The following KIF6 variants were observed in gnomAD, a reference collection of about 807,000 sequenced individuals.
KIF6 encodes kinesin-like protein KIF6.
Under a neutral mutation model 112.7 loss-of-function variants are expected in KIF6, and 106 were observed. That is an observed-to-expected ratio of 0.94 (90% CI 0.80 to 1.11). The LOEUF (loss-of-function observed/expected upper bound fraction) is 1.11, where lower values mean the gene tolerates loss of function less well. KIF6 is among the 50% of genes least tolerant of loss of function. The pLI is 0.00. For synonymous variants in KIF6, 339 were observed against 339.9 expected, an observed-to-expected ratio of 1.00 and a Z score of 0.03; for missense variants, 929 against 964.0, an observed-to-expected ratio of 0.96 and a Z score of 0.48.
chr6:39,384,930 GT>G lies in KIF6; in HGVS notation c.1861+691del, dbSNP rs576841905. Among the ~76,000 whole-genome samples the G allele has an allele frequency of 7.9e-5, 12 of 152,324 alleles. No individual in the cohort carries two copies. The East Asian group carries it at 2.1e-3, about 27-fold the overall frequency. On this transcript the variant is annotated intron_variant, in intron 16 of 22. Coordinates refer to ENST00000287152, the MANE Select transcript of KIF6 (RefSeq NM_145027.6). The stretch of plus-strand genomic sequence containing the variant: ...ATTGGGTCACATATCAAAAAAGGGT[GT>G]TTTCTGCAGATGTCCACTGCTTAAA...
chr6:39,720,733 C>T lies in KIF6; in HGVS notation c.145G>A (p.Val49Met). The T allele has an allele frequency of 1.2e-6, 2 of 1,606,532 alleles. No individual in the cohort carries two copies. The highest frequency in any genetic ancestry group is 1.7e-6 in the Non-Finnish European group (2 of 1,173,370). ...ILPRDLADGF[V>M]NNKRESYKFK... ...TTGTAGCTTTCTCGCTTATTATTCA[C>T]AAACCCATCTGCCAAATCACGTGGT... The change falls in exon 2 of 23, where the codon GTG becomes ATG. Residue 49 changes from valine (V) to methionine (M), a missense_variant. Transcript: ENST00000287152.
intron 3 of KIF6, among the ~76,000 whole-genome samples, chr6:39,652,718 C>T (rs1175213995): frequency 1.3e-5 from 2 of 152,078 alleles, no homozygotes; most frequent in African/African-American, 4.8e-5. Context: ...TATTCTGAGA[C>T]TTCTATTATC....
intron 3 of KIF6, among the ~76,000 whole-genome samples, chr6:39,662,596 G>A (rs113162896): frequency 2.0e-5 from 3 of 152,222 alleles, no homozygotes; most frequent in African/African-American, 7.2e-5. Flanking sequence ...ATATCAATTC[G>A]AAACCCAATG....
intron 13 of KIF6, among the ~76,000 whole-genome samples, chr6:39,444,489 C>T (rs1213346975): frequency 6.6e-6 from 1 of 152,018 alleles, no homozygotes; most frequent in East Asian, 1.9e-4. Context: ...GGTGAAAAGA[C>T]CTTCTGTTAA....
chr6:39,547,412 T>C (rs1221173479), intron 10 of KIF6, among the ~76,000 whole-genome samples: 1 of 152,204 alleles, frequency 6.6e-6, no homozygotes, highest in Non-Finnish European at 1.5e-5. Flanking sequence ...AACCATCAGA[T>C]ATACAGAGGG....
intron 15 of KIF6, among the ~76,000 whole-genome samples, chr6:39,390,123 T>C (rs1406280685): frequency 7.9e-5 from 12 of 151,826 alleles, no homozygotes; most frequent in African/African-American, 9.7e-5. Context: ...CTTAGTTGAA[T>C]GGGCTAACCA....
chr6:39,626,455 A>C (rs193026969), intron 5 of KIF6, among the ~76,000 whole-genome samples: 1 of 152,242 alleles, frequency 6.6e-6, no homozygotes, highest in East Asian at 1.9e-4. Context: ...CCCAGCTCTG[A>C]TGTTTAATGG....
chr6:39,351,919 G>A (rs78001486), intron 19 of KIF6, among the ~76,000 whole-genome samples: 4 of 152,298 alleles, frequency 2.6e-5, no homozygotes, highest in South Asian at 2.1e-4. Context: ...TGGAGTTTCA[G>A]CGAGAGGGCT....
At chr6:39,607,900 T>G (rs546952895) in intron 6 of KIF6, among the ~76,000 whole-genome samples, 1 of 152,196 alleles carries the variant, frequency 6.6e-6, no homozygotes, top group African/African-American at 2.4e-5. Flanking sequence ...TTTAATGATT[T>G]TGGAACTAAT....
intron 17 of KIF6, among the ~76,000 whole-genome samples, chr6:39,361,246 T>A (rs896095261): frequency 2.6e-5 from 4 of 151,976 alleles, no homozygotes; most frequent in Admixed American, 6.6e-5. Context: ...AAGATGAAGA[T>A]GGAGTAGAGA....
intron 13 of KIF6, among the ~76,000 whole-genome samples, chr6:39,479,427 G>C (rs969823334): frequency 5.3e-5 from 8 of 152,040 alleles, no homozygotes; most frequent in African/African-American, 1.9e-4. Flanking sequence ...GCTTAGTTCT[G>C]GGTTCTTTAT....
At chr6:39,340,937 G>A (rs934850839) in intron 22 of KIF6, among the ~76,000 whole-genome samples, 32 of 152,228 alleles carry the variant, frequency 2.1e-4, no homozygotes, top group Admixed American at 1.4e-3. Flanking sequence ...GATATCCTGC[G>A]TATCCAAGCC....
chr6:39,556,805 T>A (rs1779731519), intron 10 of KIF6, among the ~76,000 whole-genome samples: 1 of 152,160 alleles, frequency 6.6e-6, no homozygotes, highest in Non-Finnish European at 1.5e-5. Flanking sequence ...AAGCTATTTA[T>A]CTCCATGGTT....
At chr6:39,541,091 C>T (rs771406864) in intron 12 of KIF6, among the ~76,000 whole-genome samples, 13 of 152,130 alleles carry the variant, frequency 8.5e-5, no homozygotes, top group African/African-American at 1.9e-4. Flanking sequence ...AGAGAAGGCT[C>T]ATTAAAATGG....
chr6:39,449,099 A>G (rs1311142040), intron 13 of KIF6, among the ~76,000 whole-genome samples: 1 of 152,142 alleles, frequency 6.6e-6, no homozygotes, highest in African/African-American at 2.4e-5. Context: ...TTTTAGCCTA[A>G]CCCAAGTCGT....
In KIF6 at chr6:39,343,332, G is replaced by A. The variant is rs575216471; in HGVS notation, c.2428+377C>T. 1.2e-5 allele frequency: 15 copies of A among 1,298,354 alleles called. No individual in the cohort carries two copies. The South Asian group carries it at 1.7e-4, about 15-fold the overall frequency. The allele number at this position is 1,298,354 out of a possible 1,614,324, so 80.4% of individuals were successfully genotyped here. A position where few individuals can be genotyped will look rare whatever the true frequency, so the allele number is the denominator to read the frequency against. On this transcript the variant is annotated intron_variant, in intron 22 of 22. Coordinates refer to ENST00000287152, the MANE Select transcript of KIF6 (RefSeq NM_145027.6). This position sits in a 1 kb window ranked among gnomAD's most constrained non-coding sequence, Gnocchi z 4.1. The stretch of plus-strand genomic sequence containing the variant: ...ATAGGGGAGTGAGACTTTAAGCCAG[G>A]GGTTCAACGAGTTACCAAAACATCA...
chr6:39,688,028 C>T (rs1047971953), intron 3 of KIF6, among the ~76,000 whole-genome samples: 3 of 152,178 alleles, frequency 2.0e-5, no homozygotes, highest in South Asian at 2.1e-4. Flanking sequence ...TGTTAACCCC[C>T]GTAGGCCTGA....
chr6:39,340,714 G>A (rs1028286018), intron 22 of KIF6, among the ~76,000 whole-genome samples: 2 of 152,154 alleles, frequency 1.3e-5, no homozygotes, highest in African/African-American at 4.8e-5. Flanking sequence ...TGCACTGCCT[G>A]GGGACAGTGT....
chr6:39,634,118 G>A (rs2465670), intron 5 of KIF6, among the ~76,000 whole-genome samples: 81,732 of 151,966 alleles, frequency 0.54, 25,116 homozygotes, highest in African/African-American at 0.84. Flanking sequence ...ATGAATATGT[G>A]TTTCTAAATT....
Sources: allele counts gnomAD v4.1 joint callset (sites outside exome capture counted in the v4.1 genomes callset), GRCh38; gene constraint gnomAD v4.1.1; non-coding constraint Gnocchi (gnomAD v3.1); transcripts MANE v1.5; gene names NCBI Gene and HGNC (gene_info 2026-07-23, HGNC 2026-07-21).